FMN2: variants seen among roughly 807,000 people sequenced by gnomAD.
FMN2 encodes the protein formin-2.
FMN2 carries 51 observed loss-of-function variants against 142.3 expected under a neutral mutation model. The observed-to-expected ratio is 0.36, with a 90% CI of 0.29 to 0.45. The LOEUF (loss-of-function observed/expected upper bound fraction) is 0.45, where lower values mean the gene tolerates loss of function less well. Among genes scored for constraint, FMN2 ranks in the 20% least tolerant of loss-of-function variants. FMN2 has a pLI of 1.00. For synonymous variants in FMN2, 882 were observed against 869.8 expected (o/e 1.01, Z -0.25); for missense variants, 1,936 against 2,122.8 (o/e 0.91, Z 1.73).
intron 15 of FMN2, among the ~76,000 whole-genome samples, chr1:240,406,489 A>G (rs918408956): frequency 6.6e-6 from 1 of 152,208 alleles, no homozygotes; most frequent in Non-Finnish European, 1.5e-5. Context: ...AAATCCAGGT[A>G]TAGCCCCTTT....
chr1:240,272,706 C>A (rs975052368), intron 7 of FMN2, among the ~76,000 whole-genome samples: 1 of 152,162 alleles, frequency 6.6e-6, no homozygotes, highest in African/African-American at 2.4e-5. Flanking sequence ...TCCTTCCTCT[C>A]AGCTCAGTGT....
intron 1 of FMN2, among the ~76,000 whole-genome samples, chr1:240,122,799 A>T (rs1371732887): frequency 6.6e-6 from 1 of 151,998 alleles, no homozygotes; most frequent in Non-Finnish European, 1.5e-5. Context: ...ACACCTATAA[A>T]TCTAGCCACT....
chr1:240,359,017 C>T (rs1313767613), intron 14 of FMN2, among the ~76,000 whole-genome samples: 1 of 152,038 alleles, frequency 6.6e-6, no homozygotes, highest in Non-Finnish European at 1.5e-5. Flanking sequence ...CCCAGCTACT[C>T]AGGAGACTGA....
intron 6 of FMN2, among the ~76,000 whole-genome samples, chr1:240,222,749 T>C (rs1049572083): frequency 6.6e-6 from 1 of 152,222 alleles, no homozygotes. Flanking sequence ...ATTCTCTTTG[T>C]AGCAATTGTG....
At chr1:240,108,100 C>T (rs1661681684) in intron 1 of FMN2, among the ~76,000 whole-genome samples, 1 of 152,126 alleles carries the variant, frequency 6.6e-6, no homozygotes. Context: ...TTTGATTCCT[C>T]CAGGGGTAGT....
At chr1:240,425,054 T>C (rs1309055963) in intron 15 of FMN2, among the ~76,000 whole-genome samples, 1 of 152,152 alleles carries the variant, frequency 6.6e-6, no homozygotes, top group African/African-American at 2.4e-5. Flanking sequence ...TTATCACACA[T>C]AGAAAATATC....
chr1:240,178,098 C>T (rs1665000007), intron 3 of FMN2, 30 bp downstream of exon 3: 36 of 1,536,418 alleles, frequency 2.3e-5, no homozygotes, highest in Non-Finnish European at 3.0e-5. Flanking sequence ...TCAGAGATAA[C>T]TGGAAGAGGC....
chr1:240,299,124 T>A (rs945059115), intron 8 of FMN2, among the ~76,000 whole-genome samples: 2 of 151,996 alleles, frequency 1.3e-5, no homozygotes, highest in Non-Finnish European at 2.9e-5. Context: ...ATTTTTGTAT[T>A]TTTAGGAGAG....
intron 2 of FMN2, among the ~76,000 whole-genome samples, chr1:240,160,929 C>G (rs1211857748): frequency 6.6e-6 from 1 of 152,020 alleles, no homozygotes; most frequent in African/African-American, 2.4e-5. Flanking sequence ...ATTTCTGTAT[C>G]AGCAAACAAA....
chr1:240,408,907 T>A (rs1011801968), intron 15 of FMN2, among the ~76,000 whole-genome samples: 1 of 152,176 alleles, frequency 6.6e-6, no homozygotes, highest in Non-Finnish European at 1.5e-5. Context: ...AAAATCTATA[T>A]TCAGGGCTTT....
chr1:240,134,296 A>G (rs1662852236), intron 2 of FMN2, among the ~76,000 whole-genome samples: 1 of 152,130 alleles, frequency 6.6e-6, no homozygotes, highest in Non-Finnish European at 1.5e-5. Context: ...GTCTTGAATG[A>G]TCAAAGGTTG....
intron 16 of FMN2, among the ~76,000 whole-genome samples, chr1:240,449,142 CAAAA>C (rs35957230): frequency 7.3e-6 from 1 of 137,514 alleles, no homozygotes. Context: ...GACCCTGTCT[CAAAA>C]AAAAAAAAAA....
At chr1:240,182,795 A>C (rs1239705408) in intron 3 of FMN2, among the ~76,000 whole-genome samples, 3 of 152,204 alleles carry the variant, frequency 2.0e-5, no homozygotes, top group Non-Finnish European at 4.4e-5. Flanking sequence ...CTCAGTGTCC[A>C]TGAGATTGAA....
intron 16 of FMN2, among the ~76,000 whole-genome samples, chr1:240,463,415 C>G (rs2103232619): frequency 6.6e-6 from 1 of 152,076 alleles, no homozygotes; most frequent in South Asian, 2.1e-4. Flanking sequence ...TAACCAAGGC[C>G]CAGGTGGGTG....
rs563546223 is a variant in FMN2 at position 240,207,157 on chromosome 1, G to A, written c.2345G>A (p.Cys782Tyr). 4 of 1,614,062 alleles carry A rather than the reference G, an allele frequency of 2.5e-6. No homozygotes were observed. The highest frequency in any genetic ancestry group is 1.3e-5 in the African/African-American group (1 of 75,004). ...GAAAGTGGACCTCAGACAAAGTTCTGTTCAGAGATTTCTTTGATTGTGTCT... is the reference window on the plus strand; with the variant it reads ...GAAAGTGGACCTCAGACAAAGTTCTATTCAGAGATTTCTTTGATTGTGTCT... ...GAESGPQTKF[C>Y]SEISLIVSPR... Residue 782 changes from cysteine (C) to tyrosine (Y), a missense_variant, in exon 5 of 18, where the codon TGT (cysteine) becomes TAT (tyrosine). Physicochemically the swap from Cys to Tyr is radical, Grantham distance 194 (BLOSUM62 -2). Around this residue, in one of 8 missense-constraint regions of FMN2, gnomAD observed 478 missense variants for 462.8 expected, o/e 1.03. Coordinates refer to ENST00000319653, the MANE Select transcript of FMN2 (RefSeq NM_020066.5).
intron 13 of FMN2, among the ~76,000 whole-genome samples, chr1:240,336,426 T>G (rs1395856696): frequency 1.3e-5 from 2 of 151,976 alleles, no homozygotes; most frequent in Non-Finnish European, 1.5e-5. Flanking sequence ...AATGATCACA[T>G]TTGTCTGGCA....
rs79003003 is a variant in FMN2 at position 240,134,031 on chromosome 1, A to G, written c.1782+10686A>G. Among the ~76,000 whole-genome samples, 659 of 152,330 alleles carry G rather than the reference A, an allele frequency of 4.3e-3. 4 individuals are homozygous for G. The highest frequency in any genetic ancestry group is 0.015 in the African/African-American group (620 of 41,584). Reference sequence around the variant, plus strand: ...ACCCAAGGTCACATTAAAATTTTTCATGTCTAATAATCTCTGGAGTTGTTT... The same window carrying G: ...ACCCAAGGTCACATTAAAATTTTTCGTGTCTAATAATCTCTGGAGTTGTTT... On this transcript the variant is annotated intron_variant, in intron 2 of 17. Transcript: ENST00000319653.
chr1:240,357,055 C>A (rs1672296034), intron 14 of FMN2, among the ~76,000 whole-genome samples: 1 of 152,012 alleles, frequency 6.6e-6, no homozygotes, highest in Non-Finnish European at 1.5e-5. Flanking sequence ...GTAAACTCAT[C>A]CCACTCTTAG....
At chr1:240,131,583 G>A (rs371355003) in intron 2 of FMN2, among the ~76,000 whole-genome samples, 1 of 152,138 alleles carries the variant, frequency 6.6e-6, no homozygotes, top group South Asian at 2.1e-4. Flanking sequence ...TTGACACATG[G>A]CTGTAATCCC....
Sources: gnomAD v4.1 joint callset for allele counts (sites outside exome capture counted in the v4.1 genomes callset) on GRCh38, gnomAD v4.1.1 for gene constraint, gnomAD v4.1.1 regional missense constraint, MANE v1.5 for transcripts, NCBI Gene and HGNC (gene_info 2026-07-23, HGNC 2026-07-21) for gene names.